Variants in KCNIP4 observed in about 807,000 individuals in gnomAD.
KCNIP4 encodes Kv channel-interacting protein 4.
KCNIP4 carries 12 observed loss-of-function variants against 34.0 expected under a neutral mutation model. The ratio of observed to expected loss-of-function variants is 0.35; its 90% CI spans 0.23 to 0.57. The LOEUF is 0.57. Ranked by LOEUF, KCNIP4 falls within the 20% of genes least tolerant of loss-of-function variation. The pLI is 0.83. For missense variants in KCNIP4, 238 were observed against 311.7 expected (o/e 0.76, Z 1.78); for synonymous variants, 124 against 102.2 (o/e 1.21, Z -1.29).
chr4:20,963,764 TTTC>T (rs1212159313), intron 1 of KCNIP4, among the ~76,000 whole-genome samples: 1 of 152,054 alleles, frequency 6.6e-6, no homozygotes, highest in Non-Finnish European at 1.5e-5. Context: ...AGGCTGGTGA[TTTC>T]AGGGGAGGCG....
Position 20,800,506 on chromosome 4 carries a change from A to G in KCNIP4, c.289-41616T>C, listed in dbSNP as rs573252282. On this transcript the variant is annotated intron_variant, in intron 3 of 8. Coordinates refer to ENST00000382152, the MANE Select transcript of KCNIP4 (RefSeq NM_025221.6). ...TTCTTTATTATTAACAAGACACAAGAGAATACACATAGGCGATTCAATGAA... is the reference window on the plus strand; with the variant it reads ...TTCTTTATTATTAACAAGACACAAGGGAATACACATAGGCGATTCAATGAA... Among the ~76,000 whole-genome samples, 44 of 152,380 alleles carry G rather than the reference A, an allele frequency of 2.9e-4. 2 individuals are homozygous for G. In the South Asian group the frequency reaches 9.1e-3, roughly 32 times the overall value.
chr4:21,710,426 A>C (rs541571571), intron 1 of KCNIP4, among the ~76,000 whole-genome samples: 1 of 152,314 alleles, frequency 6.6e-6, no homozygotes, highest in Admixed American at 6.5e-5. Flanking sequence ...AAAATCAGTC[A>C]GGGAACAAAT....
chr4:21,250,764 G>A (rs1760641737), intron 1 of KCNIP4, among the ~76,000 whole-genome samples: 1 of 151,880 alleles, frequency 6.6e-6, no homozygotes, highest in Non-Finnish European at 1.5e-5. Flanking sequence ...TAGGAGATCT[G>A]ACCCAGTAGG....
chr4:21,590,722 T>C (rs1335703918), intron 1 of KCNIP4, among the ~76,000 whole-genome samples: 1 of 152,026 alleles, frequency 6.6e-6, no homozygotes, highest in Non-Finnish European at 1.5e-5. Context: ...GTCATTACTA[T>C]CTTCAATGCA....
At chr4:21,174,938 T>C (rs1309152256) in intron 1 of KCNIP4, among the ~76,000 whole-genome samples, 2 of 151,724 alleles carry the variant, frequency 1.3e-5, no homozygotes, top group Non-Finnish European at 2.9e-5. Flanking sequence ...ATTAGTAATA[T>C]GTTAACTCAT....
At chr4:21,192,795 C>A (rs1249121257) in intron 1 of KCNIP4, among the ~76,000 whole-genome samples, 1 of 151,826 alleles carries the variant, frequency 6.6e-6, no homozygotes, top group African/African-American at 2.4e-5. Context: ...GCCACTCATG[C>A]CTGTAATCCC....
intron 1 of KCNIP4, among the ~76,000 whole-genome samples, chr4:20,902,922 A>C (rs1308237577): frequency 6.6e-6 from 1 of 152,236 alleles, no homozygotes; most frequent in Non-Finnish European, 1.5e-5. Context: ...GTTCTGAGTG[A>C]AACAAGAAAC....
Position 21,089,600 on chromosome 4 carries a change from C to T in KCNIP4, c.62-206891G>A, listed in dbSNP as rs377281169. ...GTCATGAAACACCTTGACTGAAAGA[C>T]ACATCCAGTTTTCAGATATCAAAAA... On this transcript the variant is annotated intron_variant, in intron 1 of 8. Transcript: ENST00000382152. Among the ~76,000 whole-genome samples, 68 of 152,234 alleles carry T rather than the reference C, an allele frequency of 4.5e-4. No individual in the cohort carries two copies. The South Asian group carries it at 0.013, about 30-fold the overall frequency.
intron 1 of KCNIP4, among the ~76,000 whole-genome samples, chr4:20,987,261 G>T (rs1736663876): frequency 6.6e-6 from 1 of 152,162 alleles, no homozygotes; most frequent in Non-Finnish European, 1.5e-5. Flanking sequence ...AGTAACTCCA[G>T]ATCACGGCTC....
At chr4:21,667,536 TCAAA>T (rs1361542729) in intron 1 of KCNIP4, among the ~76,000 whole-genome samples, 1 of 152,160 alleles carries the variant, frequency 6.6e-6, no homozygotes, top group African/African-American at 2.4e-5. Flanking sequence ...GAGATTCCAC[TCAAA>T]CAGTTTGTCC....
intron 1 of KCNIP4, among the ~76,000 whole-genome samples, chr4:21,254,476 C>T (rs1760925034): frequency 6.6e-6 from 1 of 152,156 alleles, no homozygotes; most frequent in South Asian, 2.1e-4. Context: ...AGTAATAGGG[C>T]ACGGTTATGC....
At chr4:20,850,757 T>A in intron 2 of KCNIP4, 90 bp from the exon 3 acceptor site, 1 of 1,450,364 alleles carries the variant, frequency 6.9e-7, no homozygotes, top group Non-Finnish European at 9.3e-7. Context: ...AGAACATGTC[T>A]GCTAATGTCT....
intron 3 of KCNIP4, among the ~76,000 whole-genome samples, chr4:20,840,481 G>A (rs147213857): frequency 6.6e-6 from 1 of 152,152 alleles, no homozygotes; most frequent in East Asian, 1.9e-4. Context: ...AATCAAGTTG[G>A]ACCATATGAC....
chr4:21,135,078 C>A (rs1018009060), intron 1 of KCNIP4, among the ~76,000 whole-genome samples: 1 of 152,160 alleles, frequency 6.6e-6, no homozygotes, highest in Non-Finnish European at 1.5e-5. Flanking sequence ...TACAATGAAC[C>A]ATTCAAAGAC....
chr4:21,045,374 T>G (rs775374530), intron 1 of KCNIP4, among the ~76,000 whole-genome samples: 1 of 152,230 alleles, frequency 6.6e-6, no homozygotes, highest in African/African-American at 2.4e-5. Context: ...ATTTTGCTGG[T>G]GCATGGACCA....
intron 1 of KCNIP4, among the ~76,000 whole-genome samples, chr4:21,302,008 C>A (rs1481341459): frequency 1.3e-5 from 2 of 152,106 alleles, no homozygotes; most frequent in Non-Finnish European, 2.9e-5. Flanking sequence ...CTAACAATCA[C>A]TGGAAATCAT....
intron 1 of KCNIP4, among the ~76,000 whole-genome samples, chr4:21,374,218 CATA>C (rs1221615866): frequency 6.8e-6 from 1 of 147,108 alleles, no homozygotes. Context: ...CTGATAAAGA[CATA>C]CCCAAGACTG....
chr4:20,807,495 T>TA (rs149656469), intron 3 of KCNIP4, among the ~76,000 whole-genome samples: 40 of 151,072 alleles, frequency 2.6e-4, no homozygotes, highest in African/African-American at 8.7e-4. Context: ...TTTTAATTGT[T>TA]AAAAAAAAAG....
chr4:21,862,053 T>G (rs1244056521), intron 1 of KCNIP4, among the ~76,000 whole-genome samples: 2 of 152,158 alleles, frequency 1.3e-5, no homozygotes, highest in Non-Finnish European at 2.9e-5. Context: ...GTTCTTCCCT[T>G]TGCTCTGAAG....
Sources: gnomAD v4.1 joint callset for allele counts (sites outside exome capture counted in the v4.1 genomes callset) on GRCh38, gnomAD v4.1.1 for gene constraint, MANE v1.5 for transcripts, NCBI Gene and HGNC (gene_info 2026-07-23, HGNC 2026-07-21) for gene names.